The following KLHL2 variants were observed in gnomAD, a reference collection of about 807,000 sequenced individuals.
KLHL2 encodes the protein kelch-like protein 2.
Under a neutral mutation model 75.8 loss-of-function variants are expected in KLHL2, and 15 were observed. The observed-to-expected ratio is 0.20, with a 90% CI of 0.13 to 0.30. The LOEUF (loss-of-function observed/expected upper bound fraction) is 0.30, where lower values mean the gene tolerates loss of function less well. Among genes scored for constraint, KLHL2 ranks in the 10% least tolerant of loss-of-function variants. The probability of loss-of-function intolerance (pLI) is 1.00; values close to 1 mark genes in which losing one functional copy is unlikely to be tolerated. For synonymous variants in KLHL2, 214 were observed against 251.9 expected (o/e 0.85, Z 1.42); for missense variants, 381 against 741.0 (o/e 0.51, Z 5.64).
chr4:165,270,029 T>A (rs1364392931), intron 5 of KLHL2, among the ~76,000 whole-genome samples: 1 of 152,176 alleles, frequency 6.6e-6, no homozygotes, highest in East Asian at 1.9e-4. Context: ...TTTTCACTCT[T>A]TTTTCTCTAA....
chr4:165,290,035 G>A (rs974545497), intron 5 of KLHL2, among the ~76,000 whole-genome samples: 1 of 152,134 alleles, frequency 6.6e-6, no homozygotes, highest in African/African-American at 2.4e-5. Context: ...AGTGGCTGCT[G>A]TGTTTTCTGT....
chr4:165,319,531 T>TC lies in KLHL2; in HGVS notation c.1753+1565dup, dbSNP rs1300754311. 3.9e-5 allele frequency among the ~76,000 whole-genome samples: 6 copies of TC among 152,210 alleles called. No homozygotes were observed. The highest frequency in any genetic ancestry group is 8.8e-5 in the Non-Finnish European group (6 of 68,040). On this transcript the variant is annotated intron_variant, in intron 14 of 14. Transcript: ENST00000226725. The surrounding 1 kb of genome is among the most constrained non-coding windows in gnomAD (Gnocchi z 4.5). ...AGGAAAAAGGAAATTCATGAAGCCG[T>TC]CCCTGCAGCCATCCCAGCAGTTTTG...
At chr4:165,278,301 G>C in intron 5 of KLHL2, 2 of 1,073,490 alleles carry the variant, frequency 1.9e-6, no homozygotes, top group South Asian at 1.2e-5. Flanking sequence ...GGCATCAAGG[G>C]CTTCACTACT....
At chr4:165,311,986 G>C in intron 11 of KLHL2, among the ~76,000 whole-genome samples, 1 of 152,124 alleles carries the variant, frequency 6.6e-6, no homozygotes, top group East Asian at 1.9e-4. Flanking sequence ...GGGTTGGGGG[G>C]ATGGTTTTGG....
chr4:165,286,842 A>T (rs1744131883), intron 5 of KLHL2, among the ~76,000 whole-genome samples: 1 of 152,210 alleles, frequency 6.6e-6, no homozygotes, highest in African/African-American at 2.4e-5. Context: ...CACTGAAGTC[A>T]AGACAGTGAC....
At chr4:165,215,016 A>G (rs1737443405) in intron 1 of KLHL2, among the ~76,000 whole-genome samples, 2 of 152,130 alleles carry the variant, frequency 1.3e-5, no homozygotes, top group African/African-American at 2.4e-5. Context: ...TTACATGTCT[A>G]TAGGGCAAAT....
At chr4:165,278,205 C>A in intron 5 of KLHL2, 3 of 1,233,120 alleles carry the variant, frequency 2.4e-6, no homozygotes, top group Middle Eastern at 1.9e-4. Context: ...ATCGTGACGG[C>A]GGACAAATCC....
Position 165,207,881 on chromosome 4 carries a change from A to G in KLHL2, c.5A>G (p.Glu2Gly). The G allele has an allele frequency of 6.9e-7, 1 of 1,445,388 alleles. No individual in the cohort carries two copies. Among genetic ancestry groups the G allele is most frequent in the South Asian group, 1.3e-5 (1 of 76,262 alleles). The allele number at this position is 1,445,388 out of a possible 1,614,324, so 89.5% of individuals were successfully genotyped here. The stretch of plus-strand genomic sequence containing the variant: ...TGAAGCCCGAGAGGAGCCACAATGG[A>G]GACGCCGCCGCTGCCTCCCGCGTGA... M[E>G]TPPLPPACTK... The change falls in exon 1 of 15, where the codon GAG becomes GGG. Residue 2 changes from glutamate (E) to glycine (G), a missense_variant. By Grantham distance (98) the Glu-to-Gly change is moderately conservative. Coordinates refer to ENST00000226725, the MANE Select transcript of KLHL2 (RefSeq NM_007246.4). This position sits in a 1 kb window ranked among gnomAD's most constrained non-coding sequence, Gnocchi z 4.2.
At chr4:165,228,962 G>C (rs1560986634) in intron 3 of KLHL2, 49 bp downstream of exon 3, 1 of 1,123,868 alleles carries the variant, frequency 8.9e-7, no homozygotes. Context: ...ATTCAGATCT[G>C]TGCTTTTCTT....
At position 165,207,669 on chromosome 4, in the gene KLHL2, C is replaced by T. The variant is rs1376243012; in HGVS notation, c.-208C>T. ...CCCGCACTCGGGCGAGCGCGGGAGC[C>T]GCGCAGTAGACGGAGCGCGCCCGGC... On this transcript the variant is annotated 5_prime_UTR_variant, in exon 1 of 15. Coordinates refer to ENST00000226725, the MANE Select transcript of KLHL2 (RefSeq NM_007246.4). This position sits in a 1 kb window ranked among gnomAD's most constrained non-coding sequence, Gnocchi z 4.2. 4.9e-5 allele frequency: 8 copies of T among 164,794 alleles called. No individual in the cohort carries two copies. The highest frequency in any genetic ancestry group is 1.3e-4 in the Admixed American group (2 of 15,206). The allele number at this position is 164,794 out of a possible 1,614,324, so 10.2% of individuals were successfully genotyped here.
chr4:165,284,618 ATCT>A (rs774520487), intron 5 of KLHL2, among the ~76,000 whole-genome samples: 7 of 152,112 alleles, frequency 4.6e-5, no homozygotes, highest in African/African-American at 9.7e-5. Context: ...TTTTTCTGTC[ATCT>A]TCTTCTGAGC....
intron 2 of KLHL2, among the ~76,000 whole-genome samples, chr4:165,225,022 C>T (rs886483221): frequency 2.0e-5 from 3 of 152,118 alleles, no homozygotes; most frequent in African/African-American, 2.4e-5. Context: ...ATCAGAAGAC[C>T]CAAGGATGCC....
At chr4:165,248,477 C>T (rs1323081200) in intron 4 of KLHL2, among the ~76,000 whole-genome samples, 1 of 151,920 alleles carries the variant, frequency 6.6e-6, no homozygotes, top group East Asian at 1.9e-4. Context: ...TTAGATAGTC[C>T]CAATGAGGAA....
intron 5 of KLHL2, among the ~76,000 whole-genome samples, chr4:165,275,646 T>G (rs1026147533): frequency 2.0e-5 from 3 of 152,218 alleles, no homozygotes; most frequent in African/African-American, 7.2e-5. Flanking sequence ...CTTGCTGTGT[T>G]GCCCAGGCTG....
rs1353377234 is a variant in KLHL2, at chr4:165,319,160, C to G, written c.1753+1191C>G. Among the ~76,000 whole-genome samples, 1 of 152,184 alleles carries G rather than the reference C, an allele frequency of 6.6e-6. No individual in the cohort carries two copies. The highest frequency in any genetic ancestry group is 1.9e-4 in the East Asian group (1 of 5,196). On this transcript the variant is annotated intron_variant, in intron 14 of 14. Transcript: ENST00000226725. This position sits in a 1 kb window ranked among gnomAD's most constrained non-coding sequence, Gnocchi z 4.5. ...CGTCTCCTGTTGCTGTATTGGTGAGCTCAGCTGTTGTGAGTATCCACTTAA... is the reference window on the plus strand; with the variant it reads ...CGTCTCCTGTTGCTGTATTGGTGAGGTCAGCTGTTGTGAGTATCCACTTAA...
chr4:165,297,185 T>C (rs1164666705), intron 6 of KLHL2, among the ~76,000 whole-genome samples: 1 of 152,184 alleles, frequency 6.6e-6, no homozygotes, highest in Non-Finnish European at 1.5e-5. Context: ...TTGTAAAAAA[T>C]AATGCCCTTA....
chr4:165,320,595 G>A (rs950840156), intron 14 of KLHL2, among the ~76,000 whole-genome samples: 4 of 152,096 alleles, frequency 2.6e-5, no homozygotes, highest in African/African-American at 9.7e-5. Context: ...GGCACTCTAT[G>A]GAAAAAATTG....
intron 6 of KLHL2, among the ~76,000 whole-genome samples, chr4:165,297,254 C>G (rs770778135): frequency 1.2e-4 from 18 of 152,026 alleles, no homozygotes; most frequent in Non-Finnish European, 2.2e-4. Flanking sequence ...TCTGCTATTA[C>G]AGAGCTGAGT....
chr4:165,219,618 C>A (rs1028384835), intron 1 of KLHL2: 157 of 993,912 alleles, frequency 1.6e-4, no homozygotes, highest in Non-Finnish European at 1.8e-4. Flanking sequence ...AGTTAATTTC[C>A]AATGGAGAAG....
Sources: gnomAD v4.1 joint callset for allele counts (sites outside exome capture counted in the v4.1 genomes callset) on GRCh38, gnomAD v4.1.1 for gene constraint, Gnocchi (gnomAD v3.1) non-coding constraint, MANE v1.5 for transcripts, NCBI Gene and HGNC (gene_info 2026-07-23, HGNC 2026-07-21) for gene names.